Variants in USP25 observed in about 807,000 individuals in gnomAD.
USP25 encodes ubiquitin carboxyl-terminal hydrolase 25.
USP25 carries 85 observed loss-of-function variants against 158.5 expected under a neutral mutation model. The ratio of observed to expected loss-of-function variants is 0.54; its 90% CI spans 0.45 to 0.64. USP25 has a LOEUF of 0.64. USP25 is among the 30% of genes least tolerant of loss of function. The pLI is 0.00. For synonymous variants in USP25, 464 were observed against 460.4 expected, an observed-to-expected ratio of 1.01 and a Z score of -0.10; for missense variants, 1,242 against 1,327.3, an observed-to-expected ratio of 0.94 and a Z score of 1.00.
intron 14 of USP25, among the ~76,000 whole-genome samples, chr21:15,828,670 G>A (rs990565478): frequency 2.0e-5 from 3 of 152,146 alleles, no homozygotes; most frequent in Non-Finnish European, 4.4e-5. Flanking sequence ...ACGGAGTCTC[G>A]CTCTGTCACC....
rs1317133124 is a variant in USP25, at chr21:15,730,259, T to A, written c.-135T>A. On this transcript the variant is annotated 5_prime_UTR_variant, in exon 1 of 26. Coordinates refer to ENST00000400183, the MANE Select transcript of USP25 (RefSeq NM_001283041.3). ...CGCCGGCCGCCATCGCCTTCGCGCCTGGCTGGCGGGGGCGCTGTCCTCCCA... is the reference window on the plus strand; with the variant it reads ...CGCCGGCCGCCATCGCCTTCGCGCCAGGCTGGCGGGGGCGCTGTCCTCCCA... The A allele has an allele frequency of 3.2e-6, 3 of 939,424 alleles. No individual in the cohort carries two copies. The highest frequency in any genetic ancestry group is 4.8e-5 in the South Asian group (1 of 20,926). The allele number at this position is 939,424 out of a possible 1,614,324, so 58.2% of individuals were successfully genotyped here.
intron 4 of USP25, among the ~76,000 whole-genome samples, chr21:15,780,993 T>C (rs2034929334): frequency 6.6e-6 from 1 of 152,178 alleles, no homozygotes; most frequent in South Asian, 2.1e-4. Context: ...AGATTATAGA[T>C]GATCTGGAAA....
chr21:15,873,778 C>T (rs1269344081), intron 23 of USP25, among the ~76,000 whole-genome samples: 1 of 152,162 alleles, frequency 6.6e-6, no homozygotes, highest in Non-Finnish European at 1.5e-5. Flanking sequence ...CAGGTGTGAG[C>T]CGCCGCACCC....
At chr21:15,853,336 CACAT>C (rs1411467548) in intron 20 of USP25, among the ~76,000 whole-genome samples, 46 of 151,948 alleles carry the variant, frequency 3.0e-4, no homozygotes, top group African/African-American at 8.0e-4. Flanking sequence ...CACACGTGTA[CACAT>C]ACATGTACAC....
At chr21:15,865,798 A>G (rs960454438) in intron 21 of USP25, among the ~76,000 whole-genome samples, 2 of 152,102 alleles carry the variant, frequency 1.3e-5, no homozygotes, top group African/African-American at 4.8e-5. Flanking sequence ...ACATTTCGTG[A>G]GGATTTCTTT....
intron 14 of USP25, among the ~76,000 whole-genome samples, chr21:15,829,295 A>G (rs569772983): frequency 3.9e-5 from 6 of 152,262 alleles, no homozygotes; most frequent in Admixed American, 3.9e-4. Flanking sequence ...TGGTTTTTCC[A>G]TCCTCACCCT....
At chr21:15,877,769 C>A in intron 24 of USP25, 27 bp from the exon 25 acceptor site, 2 of 1,335,526 alleles carry the variant, frequency 1.5e-6, no homozygotes, top group African/African-American at 1.5e-5. Context: ...AAAACCTATT[C>A]TTTTTTTTTT....
chr21:15,849,836 A>G lies in USP25; in HGVS notation c.2511A>G (p.Val837=). The part of the protein sequence containing the change: ...IIMAIGKSRS[V]YDRCGPEAGF... ...TGGCGATAGGTAAATCCAGGAGTGT[A>G]TATGACAGGTGTGGCCCTGAAGCAG... The change falls in exon 20 of 26, where the codon GTA becomes GTG. Residue 837 remains valine, a synonymous_variant. Coordinates refer to ENST00000400183, the MANE Select transcript of USP25 (RefSeq NM_001283041.3). 8 of 1,540,986 alleles carry G rather than the reference A, an allele frequency of 5.2e-6. No homozygotes were observed. The highest frequency in any genetic ancestry group is 6.1e-6 in the Non-Finnish European group (7 of 1,142,344).
At chr21:15,760,270 C>A (rs777251299) in intron 1 of USP25, among the ~76,000 whole-genome samples, 1 of 152,210 alleles carries the variant, frequency 6.6e-6, no homozygotes, top group Non-Finnish European at 1.5e-5. Context: ...ATTTGGGAGA[C>A]ACCTTTTGTC....
intron 5 of USP25, among the ~76,000 whole-genome samples, chr21:15,792,436 TTAAC>T (rs1424359112): frequency 6.6e-6 from 1 of 151,742 alleles, no homozygotes; most frequent in African/African-American, 2.4e-5. Context: ...CTTAGGAAAG[TTAAC>T]TAATGTTTTG....
At chr21:15,821,502 T>C (rs2037234430) in intron 10 of USP25, among the ~76,000 whole-genome samples, 1 of 151,904 alleles carries the variant, frequency 6.6e-6, no homozygotes, top group South Asian at 2.1e-4. Context: ...CTTCACAAAG[T>C]TGTACCAAGT....
intron 6 of USP25, among the ~76,000 whole-genome samples, chr21:15,801,561 G>A (rs948339889): frequency 6.6e-6 from 1 of 151,646 alleles, no homozygotes; most frequent in Middle Eastern, 3.4e-3. Context: ...TGAAGCAAAT[G>A]GATTTATAGA....
At chr21:15,807,259 T>C (rs1300915711) in intron 7 of USP25, among the ~76,000 whole-genome samples, 1 of 152,326 alleles carries the variant, frequency 6.6e-6, no homozygotes, top group Middle Eastern at 3.4e-3. Flanking sequence ...AATCATACCT[T>C]TAATTGTTTT....
At chr21:15,801,455 A>G (rs751181466) in intron 6 of USP25, among the ~76,000 whole-genome samples, 1 of 151,518 alleles carries the variant, frequency 6.6e-6, no homozygotes, top group Non-Finnish European at 1.5e-5. Context: ...TTCTGAGACA[A>G]TTACTTAGAA....
chr21:15,749,578 T>C (rs558040694), intron 1 of USP25, among the ~76,000 whole-genome samples: 1 of 152,364 alleles, frequency 6.6e-6, no homozygotes, highest in East Asian at 1.9e-4. Context: ...CGTTCATTTA[T>C]GTATTCTTTG....
At chr21:15,853,551 A>G (rs376055607) in intron 20 of USP25, among the ~76,000 whole-genome samples, 4 of 152,150 alleles carry the variant, frequency 2.6e-5, no homozygotes, top group Middle Eastern at 3.4e-3. Context: ...TTTTTTTGCC[A>G]TATTAAAAGA....
intron 14 of USP25, among the ~76,000 whole-genome samples, chr21:15,828,993 T>A (rs2037666549): frequency 6.6e-6 from 1 of 152,186 alleles, no homozygotes; most frequent in South Asian, 2.1e-4. Context: ...CCTCAGGATA[T>A]TTTTTTTCTT....
chr21:15,791,777 A>C (rs1196948229), intron 5 of USP25, 113 bp downstream of exon 5: 1 of 1,136,580 alleles, frequency 8.8e-7, no homozygotes, highest in Non-Finnish European at 1.2e-6. Context: ...AGTTTTTAAT[A>C]TACTATTTTG....
chr21:15,786,139 T>C (rs964172464), intron 4 of USP25, among the ~76,000 whole-genome samples: 2 of 152,072 alleles, frequency 1.3e-5, no homozygotes, highest in African/African-American at 4.8e-5. Flanking sequence ...AGTGGGAGAA[T>C]TGAATAACTG....
Sources: gnomAD v4.1 joint callset for allele counts (sites outside exome capture counted in the v4.1 genomes callset) on GRCh38, gnomAD v4.1.1 for gene constraint, MANE v1.5 for transcripts, NCBI Gene and HGNC (gene_info 2026-07-23, HGNC 2026-07-21) for gene names.